Variants in KCNH7 observed in about 807,000 individuals in gnomAD.
The protein encoded by KCNH7 is potassium voltage-gated channel subfamily H member 7, also known as voltage-gated inwardly rectifying potassium channel KCNH7.
In KCNH7, 49 loss-of-function variants were observed where a neutral mutation model predicts 120.8. That is an observed-to-expected ratio of 0.41 (90% confidence interval 0.32 to 0.51). KCNH7 has a LOEUF of 0.51. Among genes scored for constraint, KCNH7 ranks in the 20% least tolerant of loss-of-function variants. KCNH7 has a pLI of 0.38. For missense variants in KCNH7, 1,097 were observed against 1,446.6 expected, an observed-to-expected ratio of 0.76 and a Z score of 3.92; for synonymous variants, 547 against 516.1, an observed-to-expected ratio of 1.06 and a Z score of -0.81.
intron 2 of KCNH7, among the ~76,000 whole-genome samples, chr2:162,757,755 G>A (rs1688837025): frequency 6.6e-6 from 1 of 151,954 alleles, no homozygotes; most frequent in African/African-American, 2.4e-5. Context: ...CAATAACTAG[G>A]GCATGCTTAT....
At chr2:162,755,725 ATTAT>A (rs1389079295) in intron 2 of KCNH7, among the ~76,000 whole-genome samples, 1 of 152,194 alleles carries the variant, frequency 6.6e-6, no homozygotes, top group African/African-American at 2.4e-5. Flanking sequence ...GACAGATACT[ATTAT>A]TTAATTATTG....
At chr2:162,468,538 T>C (rs1306166886) in intron 6 of KCNH7, among the ~76,000 whole-genome samples, 4 of 137,596 alleles carry the variant, frequency 2.9e-5, no homozygotes, top group Non-Finnish European at 6.1e-5. Context: ...TTTTTTTTTT[T>C]CAGACGGAGT....
intron 3 of KCNH7, among the ~76,000 whole-genome samples, chr2:162,523,234 A>G (rs1371746171): frequency 6.6e-6 from 1 of 151,828 alleles, no homozygotes; most frequent in Non-Finnish European, 1.5e-5. Flanking sequence ...AAATATAGAT[A>G]AATGCATACA....
Position 162,626,656 on chromosome 2 carries a change from A to AT in KCNH7, c.308-89577dup, listed in dbSNP as rs1410130507. Among the ~76,000 whole-genome samples the AT allele has an allele frequency of 2.0e-5, 3 of 152,312 alleles. No individual in the cohort carries two copies. The East Asian group carries it at 5.8e-4, about 29-fold the overall frequency. ...CGAATTGTAGGCTAGCAGCATTGGC[A>AT]TTAGGAATAGGTGCTATCACTGCAT... On this transcript the variant is annotated intron_variant, in intron 2 of 15. Transcript: ENST00000332142.
chr2:162,791,812 G>T (rs1683956542), intron 2 of KCNH7, among the ~76,000 whole-genome samples: 1 of 152,126 alleles, frequency 6.6e-6, no homozygotes, highest in Non-Finnish European at 1.5e-5. Flanking sequence ...GACTTCCAAT[G>T]CTATGTTGAA....
At chr2:162,676,276 A>T (rs1207392486) in intron 2 of KCNH7, among the ~76,000 whole-genome samples, 1 of 151,500 alleles carries the variant, frequency 6.6e-6, no homozygotes, top group East Asian at 1.9e-4. Context: ...AAAGTTTGTT[A>T]AGGTTTTAAA....
intron 6 of KCNH7, among the ~76,000 whole-genome samples, chr2:162,498,516 G>A (rs1040679424): frequency 6.6e-6 from 1 of 151,734 alleles, no homozygotes; most frequent in Non-Finnish European, 1.5e-5. Flanking sequence ...GGGTGTGCAC[G>A]TGTGTGTGGT....
intron 6 of KCNH7, among the ~76,000 whole-genome samples, chr2:162,448,183 A>G (rs940976541): frequency 6.6e-6 from 1 of 152,110 alleles, no homozygotes; most frequent in Non-Finnish European, 1.5e-5. Context: ...AAACGGGAGT[A>G]ATTAAATTAT....
intron 2 of KCNH7, among the ~76,000 whole-genome samples, chr2:162,832,305 C>T (rs954485595): frequency 1.3e-5 from 2 of 151,998 alleles, no homozygotes; most frequent in African/African-American, 4.8e-5. Flanking sequence ...ATTAAGAGAG[C>T]TGAATGTTTT....
chr2:162,805,287 G>A (rs901811703), intron 2 of KCNH7, among the ~76,000 whole-genome samples: 4 of 151,874 alleles, frequency 2.6e-5, no homozygotes, highest in African/African-American at 9.7e-5. Flanking sequence ...AATTATCAGA[G>A]TAAACAGACA....
chr2:162,483,033 A>AC (rs1689980476), intron 6 of KCNH7, among the ~76,000 whole-genome samples: 1 of 152,100 alleles, frequency 6.6e-6, no homozygotes, highest in South Asian at 2.1e-4. Context: ...ATGAAGAAGG[A>AC]CCCCTATTAA....
At chr2:162,763,293 A>G (rs140888815) in intron 2 of KCNH7, among the ~76,000 whole-genome samples, 4 of 152,252 alleles carry the variant, frequency 2.6e-5, no homozygotes, top group African/African-American at 9.6e-5. Context: ...CATTCAATTG[A>G]TGAGTTTTGA....
chr2:162,685,386 G>A (rs545033289), intron 2 of KCNH7, among the ~76,000 whole-genome samples: 132 of 152,030 alleles, frequency 8.7e-4, no homozygotes, highest in Non-Finnish European at 1.6e-3. Flanking sequence ...TGGGAACTTA[G>A]CATTATACTT....
At chr2:162,626,799 G>A (rs1683576800) in intron 2 of KCNH7, among the ~76,000 whole-genome samples, 1 of 152,032 alleles carries the variant, frequency 6.6e-6, no homozygotes, top group South Asian at 2.1e-4. Context: ...ATACATTAAA[G>A]GTAATTAGTT....
At chr2:162,551,117 C>T (rs1403435390) in intron 2 of KCNH7, among the ~76,000 whole-genome samples, 2 of 152,018 alleles carry the variant, frequency 1.3e-5, no homozygotes, top group African/African-American at 4.8e-5. Context: ...AGATCAAATT[C>T]AACATTTTAG....
chr2:162,751,931 A>G (rs916717202), intron 2 of KCNH7, among the ~76,000 whole-genome samples: 2 of 152,070 alleles, frequency 1.3e-5, no homozygotes, highest in African/African-American at 4.8e-5. Flanking sequence ...AGAAAGAAAA[A>G]AATAATATTT....
chr2:162,509,387 T>C (rs1245627199), intron 5 of KCNH7, among the ~76,000 whole-genome samples: 1 of 151,522 alleles, frequency 6.6e-6, no homozygotes, highest in African/African-American at 2.4e-5. Flanking sequence ...CAGACAAAGG[T>C]TGTTTTTAAA....
At chr2:162,692,277 C>T (rs1308479089) in intron 2 of KCNH7, among the ~76,000 whole-genome samples, 1 of 151,924 alleles carries the variant, frequency 6.6e-6, no homozygotes, top group Non-Finnish European at 1.5e-5. Context: ...AGGCACACGC[C>T]ACCACACATG....
chr2:162,669,014 C>T (rs991207435), intron 2 of KCNH7, among the ~76,000 whole-genome samples: 2 of 151,844 alleles, frequency 1.3e-5, no homozygotes, highest in African/African-American at 2.4e-5. Flanking sequence ...AGAAATGTAA[C>T]GAAAAGGCAG....
Sources: allele counts gnomAD v4.1 joint callset (sites outside exome capture counted in the v4.1 genomes callset), GRCh38; gene constraint gnomAD v4.1.1; transcripts MANE v1.5; gene names NCBI Gene and HGNC (gene_info 2026-07-23, HGNC 2026-07-21).